The following SCHIP1 variants were observed in gnomAD, a reference collection of about 807,000 sequenced individuals.
SCHIP1 encodes schwannomin-interacting protein 1.
Under a neutral mutation model 29.7 loss-of-function variants are expected in SCHIP1, and 8 were observed. The ratio of observed to expected loss-of-function variants is 0.27; its 90% CI spans 0.16 to 0.49. The LOEUF (loss-of-function observed/expected upper bound fraction) is 0.49, where lower values mean the gene tolerates loss of function less well. SCHIP1 is among the 20% of genes least tolerant of loss of function. The pLI, the probability that SCHIP1 is intolerant of heterozygous loss-of-function variation, is 0.99. For synonymous variants in SCHIP1, 76 were observed against 94.9 expected, an observed-to-expected ratio of 0.80 and a Z score of 1.16; for missense variants, 193 against 294.6, an observed-to-expected ratio of 0.66 and a Z score of 2.52.
chr3:159,513,722 C>T, the SCHIP1 span, among the ~76,000 whole-genome samples: 1 of 152,196 alleles, frequency 6.6e-6, no homozygotes, highest in Non-Finnish European at 1.5e-5. Context: ...CAGACAACGG[C>T]ACAGAAAGCC....
chr3:159,343,379 A>ACAAT, the SCHIP1 span, among the ~76,000 whole-genome samples: 7 of 152,366 alleles, frequency 4.6e-5, no homozygotes, highest in Admixed American at 4.6e-4. Context: ...AATGCTTTCA[A>ACAAT]CAATCAGCAT....
the SCHIP1 span, chr3:159,274,279 T>C: frequency 2.7e-5 from 27 of 985,218 alleles, no homozygotes; most frequent in Non-Finnish European, 3.1e-5. Context: ...TTTGTACAGT[T>C]TGGGAAGATC....
upstream of SCHIP1, among the ~76,000 whole-genome samples, chr3:159,835,342 G>A (rs764331761): frequency 1.3e-5 from 2 of 152,190 alleles, no homozygotes; most frequent in South Asian, 2.1e-4. Context: ...ACTGGAAGGG[G>A]CATATGAAAC....
chr3:159,644,143 A>C, the SCHIP1 span, among the ~76,000 whole-genome samples: 1 of 152,144 alleles, frequency 6.6e-6, no homozygotes, highest in Non-Finnish European at 1.5e-5. Flanking sequence ...CTTTACTTCC[A>C]GTAATGTACT....
At chr3:159,760,122 G>C in the SCHIP1 span, among the ~76,000 whole-genome samples, 6 of 152,114 alleles carry the variant, frequency 3.9e-5, no homozygotes, top group Admixed American at 3.9e-4. Flanking sequence ...TCATAACAAT[G>C]TGAAATTGCA....
chr3:159,350,703 T>C, the SCHIP1 span, among the ~76,000 whole-genome samples: 2 of 152,286 alleles, frequency 1.3e-5, no homozygotes, highest in South Asian at 4.1e-4. Flanking sequence ...ATGGTTACTA[T>C]AGAGGAACAA....
At chr3:159,370,676 CA>C in the SCHIP1 span, among the ~76,000 whole-genome samples, 3 of 151,960 alleles carry the variant, frequency 2.0e-5, no homozygotes, top group African/African-American at 7.2e-5. Context: ...CCAGAGAGAA[CA>C]AAAAAGTGGA....
chr3:159,614,930 C>A, the SCHIP1 span, among the ~76,000 whole-genome samples: 3 of 152,192 alleles, frequency 2.0e-5, no homozygotes, highest in African/African-American at 7.2e-5. Context: ...GGTCACAGGA[C>A]AGCCAGGAGA....
the SCHIP1 span, chr3:159,306,693 T>A: frequency 3.5e-6 from 1 of 283,256 alleles, no homozygotes; most frequent in South Asian, 1.4e-4. Context: ...ATGGAGAAGA[T>A]GTATATTTAA....
the SCHIP1 span, among the ~76,000 whole-genome samples, chr3:159,587,691 T>C: frequency 6.6e-6 from 1 of 152,260 alleles, no homozygotes; most frequent in African/African-American, 2.4e-5. Flanking sequence ...CATTGTTCAA[T>C]TCCCACCTGT....
the SCHIP1 span, among the ~76,000 whole-genome samples, chr3:159,471,765 C>T: frequency 0.013 from 2,013 of 152,056 alleles, 23 homozygotes; most frequent in Non-Finnish European, 0.019. Context: ...AAGAAGTAAA[C>T]GTAACTAGTG....
the SCHIP1 span, among the ~76,000 whole-genome samples, chr3:159,633,366 C>G: frequency 2.0e-5 from 3 of 152,118 alleles, no homozygotes; most frequent in African/African-American, 7.2e-5. Context: ...CTGAAAAGCA[C>G]ACGTCTCCAA....
chr3:159,553,265 T>TAAA, the SCHIP1 span, among the ~76,000 whole-genome samples: 4 of 144,952 alleles, frequency 2.8e-5, no homozygotes, highest in African/African-American at 1.0e-4. Flanking sequence ...TGGAAAAGGT[T>TAAA]AAAAAAAAAA....
At chr3:159,555,695 C>A in the SCHIP1 span, among the ~76,000 whole-genome samples, 354 of 152,232 alleles carry the variant, frequency 2.3e-3, 1 homozygote, top group African/African-American at 8.3e-3. Context: ...ACATTCATAA[C>A]CATCTTTATA....
At chr3:159,275,492 A>G in the SCHIP1 span, among the ~76,000 whole-genome samples, 525 of 152,252 alleles carry the variant, frequency 3.4e-3, 2 homozygotes, top group African/African-American at 0.012. Flanking sequence ...GTCAGATTTT[A>G]TTCTGATTCA....
chr3:159,378,755 C>T, the SCHIP1 span, among the ~76,000 whole-genome samples: 1 of 152,240 alleles, frequency 6.6e-6, no homozygotes, highest in Non-Finnish European at 1.5e-5. Context: ...CACGCAGACA[C>T]AGCCTCTTGT....
chr3:159,294,306 A>C, the SCHIP1 span, among the ~76,000 whole-genome samples: 1 of 152,224 alleles, frequency 6.6e-6, no homozygotes, highest in African/African-American at 2.4e-5. Context: ...GTGTGGTTCC[A>C]TCTCTGCCTC....
intron 1 of SCHIP1, among the ~76,000 whole-genome samples, chr3:159,848,662 GTC>G (rs970411791): frequency 6.6e-6 from 1 of 151,938 alleles, no homozygotes; most frequent in African/African-American, 2.4e-5. Flanking sequence ...AATCCTAGGG[GTC>G]TCTCTTTTTT....
the SCHIP1 span, among the ~76,000 whole-genome samples, chr3:159,754,629 T>C: frequency 5.9e-5 from 9 of 152,332 alleles, no homozygotes; most frequent in African/African-American, 2.2e-4. Context: ...TGACTTTGGA[T>C]GGCTCTAAGA....
Sources: gnomAD v4.1 joint callset for allele counts (sites outside exome capture counted in the v4.1 genomes callset) on GRCh38, gnomAD v4.1.1 for gene constraint, MANE v1.5 for transcripts, NCBI Gene and HGNC (gene_info 2026-07-23, HGNC 2026-07-21) for gene names.